SEPTIN10: variants seen among roughly 807,000 people sequenced by gnomAD.
The protein encoded by SEPTIN10 is septin-10.
SEPTIN10 carries 66 observed loss-of-function variants against 54.8 expected under a neutral mutation model. That is an observed-to-expected ratio of 1.21 (90% CI 0.99 to 1.48). The LOEUF (loss-of-function observed/expected upper bound fraction) is 1.48. Ranked by LOEUF, SEPTIN10 falls within the 40% of genes most tolerant of loss-of-function variation. SEPTIN10 has a pLI of 0.00. For synonymous variants in SEPTIN10, 161 were observed against 181.0 expected (o/e 0.89, Z 0.89); for missense variants, 620 against 545.6 (o/e 1.14, Z -1.36).
Position 109,611,724 on chromosome 2 carries a change from A to G in SEPTIN10, c.30+2074T>C, listed in dbSNP as rs552386839. On this transcript the variant is annotated intron_variant, in intron 1 of 10. Coordinates refer to ENST00000397712, the MANE Select transcript of SEPTIN10 (RefSeq NM_144710.5). The stretch of plus-strand genomic sequence containing the variant: ...TGAGGTTGAAGTGAGCCATCTTGGC[A>G]CCACTGCACTCTAGCCTGGGTGACA... Among the ~76,000 whole-genome samples, 5 of 152,272 alleles carry G rather than the reference A, an allele frequency of 3.3e-5. No homozygotes were observed. In the East Asian group the frequency reaches 9.7e-4, roughly 29 times the overall value.
At chr2:109,613,733 A>G in intron 1 of SEPTIN10, 65 bp downstream of exon 1, 3 of 1,079,976 alleles carry the variant, frequency 2.8e-6, no homozygotes, top group Non-Finnish European at 3.5e-6. Context: ...CGGTGGGTCG[A>G]GGGCGGGAAG....
intron 8 of SEPTIN10, among the ~76,000 whole-genome samples, chr2:109,559,190 A>G (rs753071382): frequency 6.6e-6 from 1 of 152,190 alleles, no homozygotes; most frequent in Non-Finnish European, 1.5e-5. Context: ...CTGGCCAGAT[A>G]TAACTTCTTG....
chr2:109,613,059 T>C (rs1044412896), intron 1 of SEPTIN10: 2 of 578,388 alleles, frequency 3.5e-6, no homozygotes, highest in African/African-American at 3.8e-5. Context: ...AGAATTTGTT[T>C]TTAAGAATAC....
chr2:109,565,628 G>T, intron 7 of SEPTIN10, 135 bp downstream of exon 7: 1 of 767,176 alleles, frequency 1.3e-6, no homozygotes, highest in Non-Finnish European at 2.2e-6. Flanking sequence ...CCAGACTTTG[G>T]CTAAAATAGT....
At position 109,602,427 on chromosome 2, in the gene SEPTIN10, G is replaced by A. The variant is rs1696800586; in HGVS notation, c.31-9308C>T. ...ACGGTGGCTCACGCCTGTAATGCCA[G>A]CACCTTGGGAGGCCAAGGCGGGTGG... On this transcript the variant is annotated intron_variant, in intron 1 of 10. Coordinates refer to ENST00000397712, the MANE Select transcript of SEPTIN10 (RefSeq NM_144710.5). Among the ~76,000 whole-genome samples, 4 of 152,258 alleles carry A rather than the reference G, an allele frequency of 2.6e-5. No homozygotes were observed. In the South Asian group the frequency reaches 8.3e-4, roughly 32 times the overall value.
At chr2:109,595,579 G>A (rs956311465) in intron 1 of SEPTIN10, among the ~76,000 whole-genome samples, 3 of 152,128 alleles carry the variant, frequency 2.0e-5, no homozygotes, top group African/African-American at 7.2e-5. Flanking sequence ...CTGAAGGCAG[G>A]AGTCAAAGAA....
chr2:109,543,359 T>A lies in SEPTIN10; in HGVS notation c.*950A>T, dbSNP rs1427905187. On this transcript the variant is annotated 3_prime_UTR_variant, in exon 11 of 11. Transcript: ENST00000397712. Reference sequence around the variant, plus strand: ...TCCTTAGGAAAAAATAGCTTATATATCTGGATGTTTTAACTTTTAAAGATA... The same window carrying A: ...TCCTTAGGAAAAAATAGCTTATATAACTGGATGTTTTAACTTTTAAAGATA... 2 of 152,166 alleles carry A rather than the reference T, an allele frequency of 1.3e-5. No homozygotes were observed. The highest frequency in any genetic ancestry group is 2.1e-4 in the South Asian group (1 of 4,830). The allele number at this position is 152,166 out of a possible 1,614,324, so 9.4% of individuals were successfully genotyped here.
Position 109,585,186 on chromosome 2 carries a change from T to A in SEPTIN10, c.353A>T (p.Gln118Leu). ...TGTATTCACAATGGTCAATTTCAAT[T>A]GAACATTACTTTCCTGGAGTTCATA... ...QTYELQESNVQLKLTIVNTVG... is the reference protein window; with the variant it reads ...QTYELQESNVLLKLTIVNTVG... Residue 118 changes from glutamine to leucine, a missense_variant, in exon 4 of 11, where the codon CAA becomes CTA. By Grantham distance (113) the Gln-to-Leu change is moderately radical (BLOSUM62 -2). Coordinates refer to ENST00000397712, the MANE Select transcript of SEPTIN10 (RefSeq NM_144710.5). The A allele has an allele frequency of 6.2e-7, 1 of 1,610,834 alleles. No homozygotes were observed. The highest frequency in any genetic ancestry group is 8.5e-7 in the Non-Finnish European group (1 of 1,178,518).
Position 109,565,600 on chromosome 2 carries a change from G to T in SEPTIN10, c.859+163C>A, listed in dbSNP as rs1055741706. On this transcript the variant is annotated intron_variant, in intron 7 of 10. Coordinates refer to ENST00000397712, the MANE Select transcript of SEPTIN10 (RefSeq NM_144710.5). ...TGTGTGTGTGGCATAATGAGAAGTG[G>T]GAGGCTCTACACGGCCTCCAGACTT... is the stretch of plus-strand genomic sequence containing the variant. Among the ~76,000 whole-genome samples the T allele has an allele frequency of 1.5e-4, 23 of 151,886 alleles. 1 individual carries two copies. Among genetic ancestry groups the T allele is most frequent in the Admixed American group, 1.5e-3 (23 of 15,240 alleles).
chr2:109,544,886 T>A, intron 10 of SEPTIN10: 1 of 901,868 alleles, frequency 1.1e-6, no homozygotes, highest in Non-Finnish European at 1.3e-6. Context: ...TTGGAGAGCT[T>A]GCATTGAAAG....
chr2:109,574,430 G>A (rs1310700896), intron 5 of SEPTIN10, 151 bp downstream of exon 5: 3 of 424,612 alleles, frequency 7.1e-6, no homozygotes, highest in Non-Finnish European at 1.0e-5. Context: ...GGGTGACAGA[G>A]TGACTTTATC....
intron 9 of SEPTIN10, among the ~76,000 whole-genome samples, chr2:109,550,159 A>T (rs1044495599): frequency 1.3e-5 from 2 of 151,692 alleles, no homozygotes; most frequent in Non-Finnish European, 2.9e-5. Context: ...GCATGGTGGC[A>T]CATGCCTATA....
chr2:109,590,354 T>TA (rs1693744746), intron 2 of SEPTIN10, among the ~76,000 whole-genome samples: 1 of 152,050 alleles, frequency 6.6e-6, no homozygotes, highest in East Asian at 1.9e-4. Context: ...ACAGAGTGAT[T>TA]AAGGTCCCAA....
At chr2:109,574,275 C>CA (rs1172542846) in intron 5 of SEPTIN10, among the ~76,000 whole-genome samples, 381 of 130,888 alleles carry the variant, frequency 2.9e-3, no homozygotes, top group African/African-American at 4.2e-3. Flanking sequence ...TCCAACTCCA[C>CA]AAAAAAAAAA....
At chr2:109,585,682 A>C in intron 3 of SEPTIN10, 39 bp downstream of exon 3, 1 of 1,348,710 alleles carries the variant, frequency 7.4e-7, no homozygotes, top group Non-Finnish European at 1.1e-6. Flanking sequence ...CACAAGGAAT[A>C]TGAAGGAACA....
intron 8 of SEPTIN10, among the ~76,000 whole-genome samples, chr2:109,557,594 T>C (rs1160293175): frequency 1.3e-5 from 2 of 152,344 alleles, no homozygotes; most frequent in Middle Eastern, 3.4e-3. Context: ...CTTCTGCATA[T>C]TTTGCATCTC....
chr2:109,600,029 C>G (rs1573816732), intron 1 of SEPTIN10, among the ~76,000 whole-genome samples: 1 of 152,130 alleles, frequency 6.6e-6, no homozygotes, highest in Admixed American at 6.6e-5. Flanking sequence ...GCTTGCTGAC[C>G]GTCTCCACCT....
intron 1 of SEPTIN10, among the ~76,000 whole-genome samples, chr2:109,596,164 T>C (rs1031640949): frequency 3.3e-5 from 5 of 152,170 alleles, no homozygotes. Context: ...CCGAAACAGC[T>C]GGGCCTACAG....
At chr2:109,571,434 C>G (rs1448018604) in intron 5 of SEPTIN10, among the ~76,000 whole-genome samples, 1 of 152,114 alleles carries the variant, frequency 6.6e-6, no homozygotes, top group Admixed American at 6.6e-5. Flanking sequence ...TGTTTCTAGA[C>G]TATAAGCCTG....
Sources: gnomAD v4.1 joint callset for allele counts (sites outside exome capture counted in the v4.1 genomes callset) on GRCh38, gnomAD v4.1.1 for gene constraint, MANE v1.5 for transcripts, NCBI Gene and HGNC (gene_info 2026-07-23, HGNC 2026-07-21) for gene names.